MYCBP2: variants seen among roughly 807,000 people sequenced by gnomAD.
MYCBP2 encodes E3 ubiquitin-protein ligase MYCBP2.
In MYCBP2, 120 loss-of-function variants were observed where a neutral mutation model predicts 525.3. That is an observed-to-expected ratio of 0.23 (90% CI 0.20 to 0.27). The LOEUF is 0.27. Ranked by LOEUF, MYCBP2 falls within the 10% of genes least tolerant of loss-of-function variation. The probability of loss-of-function intolerance (pLI) is 1.00; values close to 1 mark genes in which losing one functional copy is unlikely to be tolerated. For missense variants in MYCBP2, 4,149 were observed against 5,657.1 expected (o/e 0.73, Z 8.55); for synonymous variants, 1,894 against 1,955.8 (o/e 0.97, Z 0.83).
intron 1 of MYCBP2, among the ~76,000 whole-genome samples, chr13:77,309,883 G>A (rs997840909): frequency 6.6e-6 from 1 of 152,172 alleles, no homozygotes; most frequent in African/African-American, 2.4e-5. Flanking sequence ...GGAGGTCGAG[G>A]CGGGCAAATC....
chr13:77,317,418 C>T (rs909735202), intron 1 of MYCBP2, among the ~76,000 whole-genome samples: 3 of 152,212 alleles, frequency 2.0e-5, no homozygotes, highest in African/African-American at 7.2e-5. Flanking sequence ...GCAGAAACTG[C>T]CCAGGTGATT....
intron 41 of MYCBP2, 56 bp downstream of exon 41, chr13:77,166,273 A>T: frequency 8.2e-7 from 1 of 1,226,324 alleles, no homozygotes; most frequent in Non-Finnish European, 1.1e-6. Context: ...ACCCTTACTA[A>T]ATATACATAA....
Position 77,176,485 on chromosome 13 carries a change from A to G in MYCBP2, c.5472+12T>C. On this transcript the variant is annotated intron_variant, in intron 36 of 82. Transcript: ENST00000544440. ...CCTCTTATTCACAATAGAAACATTC[A>G]GTTGAAACTACCTTTAAAGGAACCA... 1 of 1,571,258 alleles carries G rather than the reference A, an allele frequency of 6.4e-7. No individual in the cohort carries two copies.
At chr13:77,221,478 A>G (rs916427397) in intron 20 of MYCBP2, among the ~76,000 whole-genome samples, 8 of 152,180 alleles carry the variant, frequency 5.3e-5, no homozygotes, top group African/African-American at 1.9e-4. Context: ...TCTGAGTGCC[A>G]AGTGCACAGT....
intron 47 of MYCBP2, among the ~76,000 whole-genome samples, chr13:77,149,426 G>T (rs9593210): frequency 3.3e-5 from 5 of 151,360 alleles, no homozygotes; most frequent in African/African-American, 1.2e-4. Context: ...TGCTTCTGAT[G>T]TAGAGAAGAG....
At chr13:77,297,847 C>T (rs2078359068) in intron 1 of MYCBP2, among the ~76,000 whole-genome samples, 1 of 152,168 alleles carries the variant, frequency 6.6e-6, no homozygotes, top group African/African-American at 2.4e-5. Flanking sequence ...TCTGTCCACA[C>T]CATCTTTACT....
chr13:77,172,919 C>A (rs1430355689), intron 37 of MYCBP2, among the ~76,000 whole-genome samples: 2 of 152,222 alleles, frequency 1.3e-5, no homozygotes, highest in African/African-American at 4.8e-5. Context: ...TTCAGCGTCT[C>A]AGTTCCATCA....
intron 32 of MYCBP2, 40 bp from the exon 33 acceptor site, chr13:77,181,962 T>C (rs1178583900): frequency 4.1e-6 from 6 of 1,471,100 alleles, no homozygotes; most frequent in East Asian, 2.3e-5. Flanking sequence ...CCAAAAAATA[T>C]AGCATCAGTA....
intron 55 of MYCBP2, among the ~76,000 whole-genome samples, chr13:77,114,842 C>A (rs193081116): frequency 7.2e-5 from 11 of 151,968 alleles, no homozygotes; most frequent in African/African-American, 2.2e-4. Flanking sequence ...CATTTTTCTA[C>A]CACAAACAAA....
At chr13:77,206,167 A>G (rs1053865201) in intron 24 of MYCBP2, among the ~76,000 whole-genome samples, 1 of 152,032 alleles carries the variant, frequency 6.6e-6, no homozygotes, top group African/African-American at 2.4e-5. Context: ...CAGTTACAAA[A>G]TAATATATTG....
intron 43 of MYCBP2, among the ~76,000 whole-genome samples, chr13:77,163,749 A>G (rs1595040849): frequency 6.6e-6 from 1 of 152,270 alleles, no homozygotes; most frequent in East Asian, 1.9e-4. Flanking sequence ...GAAAGTACTT[A>G]CAGTTCTCTC....
At chr13:77,118,372 T>C (rs1341007546) in intron 55 of MYCBP2, 11 of 763,022 alleles carry the variant, frequency 1.4e-5, no homozygotes, top group Middle Eastern at 2.2e-4. Flanking sequence ...GGAAAGGGGC[T>C]GTCCGAACAC....
chr13:77,199,374 C>T (rs574557091), intron 26 of MYCBP2, among the ~76,000 whole-genome samples: 1 of 152,252 alleles, frequency 6.6e-6, no homozygotes, highest in African/African-American at 2.4e-5. Flanking sequence ...TATCCTGCAC[C>T]TGACTCGGAG....
At chr13:77,190,472 C>A in intron 28 of MYCBP2, 137 bp from the exon 29 acceptor site, 1 of 581,470 alleles carries the variant, frequency 1.7e-6, no homozygotes, top group South Asian at 2.5e-5. Flanking sequence ...AAGGTATTTT[C>A]TAGATTTTCA....
At chr13:77,233,084 C>T in intron 18 of MYCBP2, 72 bp downstream of exon 18, 1 of 1,340,654 alleles carries the variant, frequency 7.5e-7, no homozygotes, top group Non-Finnish European at 1.1e-6. Flanking sequence ...TGCATTTTCC[C>T]AGAGACAAAA....
chr13:77,243,882 C>T lies in MYCBP2; in HGVS notation c.2451G>A (p.Glu817=), dbSNP rs759575072. ...TTTGTCTTGCCTCTTGACCATCTAA[C>T]TCTCTTGCACAGGCCTTGCAACATC... ...VCGCCKACAR[E]LDGQEARQRG... is the part of the protein sequence containing the mutation. The change falls in exon 16 of 83, where the codon GAG becomes GAA. Residue 817 remains glutamate, a synonymous_variant. Coordinates refer to ENST00000544440, the MANE Select transcript of MYCBP2 (RefSeq NM_015057.5). 6 of 1,612,878 alleles carry T rather than the reference C, an allele frequency of 3.7e-6. No individual in the cohort carries two copies. Among genetic ancestry groups the T allele is most frequent in the Non-Finnish European group, 4.2e-6 (5 of 1,179,752 alleles).
intron 54 of MYCBP2, among the ~76,000 whole-genome samples, chr13:77,122,639 G>A (rs180774614): frequency 0.016 from 2,327 of 146,254 alleles, 36 homozygotes; most frequent in South Asian, 0.048. Context: ...GCAGTGAGCC[G>A]AGATCGCGCC....
At chr13:77,232,902 T>C (rs888338119) in intron 18 of MYCBP2, among the ~76,000 whole-genome samples, 1 of 152,102 alleles carries the variant, frequency 6.6e-6, no homozygotes, top group Non-Finnish European at 1.5e-5. Flanking sequence ...TTTTTGAAAT[T>C]TGAAAAGAAA....
At chr13:77,294,874 G>A (rs1389002986) in intron 2 of MYCBP2, among the ~76,000 whole-genome samples, 3 of 152,142 alleles carry the variant, frequency 2.0e-5, no homozygotes, top group African/African-American at 4.8e-5. Context: ...TCACCAGGGT[G>A]CTCACCCACT....
Sources: gnomAD v4.1 joint callset for allele counts (sites outside exome capture counted in the v4.1 genomes callset) on GRCh38, gnomAD v4.1.1 for gene constraint, MANE v1.5 for transcripts, NCBI Gene and HGNC (gene_info 2026-07-23, HGNC 2026-07-21) for gene names.